AGK: variants seen among roughly 807,000 people sequenced by gnomAD.
The protein encoded by AGK is acylglycerol kinase, mitochondrial.
AGK carries 52 observed loss-of-function variants against 66.4 expected under a neutral mutation model. The ratio of observed to expected loss-of-function variants is 0.78; its 90% CI spans 0.63 to 0.99. AGK has a LOEUF of 0.99. AGK is among the 50% of genes least tolerant of loss of function. AGK has a pLI of 0.00. For synonymous variants in AGK, 182 were observed against 181.1 expected, an observed-to-expected ratio of 1.00 and a Z score of -0.04; for missense variants, 451 against 506.6, an observed-to-expected ratio of 0.89 and a Z score of 1.05.
intron 2 of AGK, among the ~76,000 whole-genome samples, chr7:141,562,634 G>A (rs1795374885): frequency 6.6e-6 from 1 of 152,206 alleles, no homozygotes; most frequent in South Asian, 2.1e-4. Context: ...GGAAGTAGGG[G>A]ATAACTGATA....
intron 2 of AGK, among the ~76,000 whole-genome samples, chr7:141,564,969 C>T (rs1250466140): frequency 3.9e-5 from 6 of 152,226 alleles, no homozygotes; most frequent in Non-Finnish European, 7.4e-5. Context: ...TCAGGTGATC[C>T]GCCCTCCTCA....
At chr7:141,640,640 G>C (rs1797267693) in intron 11 of AGK, among the ~76,000 whole-genome samples, 1 of 152,176 alleles carries the variant, frequency 6.6e-6, no homozygotes, top group Non-Finnish European at 1.5e-5. Flanking sequence ...TGGATGTGGT[G>C]AATCAGAGGT....
chr7:141,613,198 G>C (rs575141173), intron 6 of AGK, among the ~76,000 whole-genome samples: 1 of 152,212 alleles, frequency 6.6e-6, no homozygotes, highest in South Asian at 2.1e-4. Context: ...ATCTGGGTCA[G>C]GTTTTACTTT....
intron 9 of AGK, among the ~76,000 whole-genome samples, chr7:141,628,684 T>C (rs1243591491): frequency 6.6e-6 from 1 of 152,254 alleles, no homozygotes; most frequent in Non-Finnish European, 1.5e-5. Flanking sequence ...GTATCCTCAT[T>C]TGACAGGTTA....
chr7:141,634,447 G>A (rs1797126197), intron 10 of AGK, among the ~76,000 whole-genome samples: 1 of 152,216 alleles, frequency 6.6e-6, no homozygotes, highest in Non-Finnish European at 1.5e-5. Flanking sequence ...TGCTCTTAGA[G>A]GAGGAAGAAA....
chr7:141,632,271 T>C (rs534043770), intron 9 of AGK, among the ~76,000 whole-genome samples: 3 of 151,448 alleles, frequency 2.0e-5, no homozygotes, highest in African/African-American at 7.3e-5. Flanking sequence ...AATTTAAAAA[T>C]CCTCCTTACC....
At chr7:141,622,530 C>T (rs1331025108) in intron 9 of AGK, among the ~76,000 whole-genome samples, 2 of 152,160 alleles carry the variant, frequency 1.3e-5, no homozygotes, top group Non-Finnish European at 2.9e-5. Flanking sequence ...TGGTGATCTG[C>T]TATCGGTGAT....
intron 13 of AGK, among the ~76,000 whole-genome samples, chr7:141,647,641 G>A (rs1200042270): frequency 1.3e-5 from 2 of 152,160 alleles, no homozygotes; most frequent in Non-Finnish European, 2.9e-5. Context: ...TTGGGATGGG[G>A]CCAGAGTCTG....
At chr7:141,649,029 TA>T (rs111790655) in intron 13 of AGK, 5,064 of 296,116 alleles carry the variant, frequency 0.017, no homozygotes, top group East Asian at 0.024. Flanking sequence ...GCTTATGTAG[TA>T]AAAAAAAAAG....
intron 8 of AGK, among the ~76,000 whole-genome samples, chr7:141,620,743 C>T (rs1456983969): frequency 2.0e-5 from 3 of 150,108 alleles, no homozygotes; most frequent in Non-Finnish European, 4.5e-5. Context: ...GGAGCTCAAC[C>T]AGGAGCTCAC....
chr7:141,587,444 TA>T (rs1796016439), intron 2 of AGK, among the ~76,000 whole-genome samples: 2 of 152,308 alleles, frequency 1.3e-5, no homozygotes, highest in South Asian at 4.1e-4. Context: ...TTATGGCCCT[TA>T]GGGTAAAATC....
intron 2 of AGK, among the ~76,000 whole-genome samples, chr7:141,577,410 A>G (rs1199640742): frequency 6.6e-6 from 1 of 152,250 alleles, no homozygotes; most frequent in African/African-American, 2.4e-5. Flanking sequence ...CCTATGACCT[A>G]GAACCACCCC....
intron 2 of AGK, among the ~76,000 whole-genome samples, chr7:141,582,833 G>A (rs1043708379): frequency 4.0e-5 from 6 of 151,758 alleles, no homozygotes; most frequent in African/African-American, 9.7e-5. Context: ...GTAGGGGAGC[G>A]GAGGCTGAGG....
intron 9 of AGK, among the ~76,000 whole-genome samples, chr7:141,627,065 C>T (rs1434780410): frequency 3.3e-5 from 5 of 152,152 alleles, no homozygotes; most frequent in Admixed American, 3.3e-4. Context: ...ATGTTGGCAG[C>T]TGGTGAATCT....
At position 141,555,598 on chromosome 7, in the gene AGK, G is replaced by A. The variant is rs1461912387; in HGVS notation, c.101+31G>A. On this transcript the variant is annotated intron_variant, in intron 2 of 15. Transcript: ENST00000649286. The surrounding 1 kb of genome is among the most constrained non-coding windows in gnomAD (Gnocchi z 4.2). ...TATCTGACAGCCCCATCCCACCTTT[G>A]CATCTGCAGCAAAACAGCCCCAAAG... The A allele has an allele frequency of 1.3e-6, 2 of 1,539,502 alleles. No homozygotes were observed. Among genetic ancestry groups the A allele is most frequent in the Non-Finnish European group, 1.8e-6 (2 of 1,117,718 alleles).
intron 8 of AGK, chr7:141,616,347 A>G (rs570229601): frequency 4.6e-5 from 7 of 152,330 alleles, no homozygotes; most frequent in Non-Finnish European, 8.8e-5. Context: ...GAGGAAGTCA[A>G]TAAATAAATA....
At chr7:141,619,084 A>C (rs1039081703) in intron 8 of AGK, among the ~76,000 whole-genome samples, 1 of 152,150 alleles carries the variant, frequency 6.6e-6, no homozygotes, top group African/African-American at 2.4e-5. Flanking sequence ...TTCTGTGTTC[A>C]TGGATTGTGA....
At chr7:141,643,656 A>G (rs1330972869) in intron 13 of AGK, among the ~76,000 whole-genome samples, 1 of 152,174 alleles carries the variant, frequency 6.6e-6, no homozygotes, top group Non-Finnish European at 1.5e-5. Context: ...AGAAATAAGC[A>G]TATGAAAAAA....
intron 2 of AGK, among the ~76,000 whole-genome samples, chr7:141,558,531 A>G (rs530360701): frequency 1.1e-4 from 16 of 152,248 alleles, no homozygotes; most frequent in Middle Eastern, 3.4e-3. Context: ...ACATCTGTCA[A>G]TGGACATTTT....
Sources: allele counts gnomAD v4.1 joint callset (sites outside exome capture counted in the v4.1 genomes callset), GRCh38; gene constraint gnomAD v4.1.1; non-coding constraint Gnocchi (gnomAD v3.1); transcripts MANE v1.5; gene names NCBI Gene and HGNC (gene_info 2026-07-23, HGNC 2026-07-21).